ARF4: variants seen among roughly 807,000 people sequenced by gnomAD.
ARF4 encodes the protein ADP-ribosylation factor 4.
In ARF4, 5 loss-of-function variants were observed where a neutral mutation model predicts 24.3. That is an observed-to-expected ratio of 0.21 (90% CI 0.11 to 0.43). The LOEUF (loss-of-function observed/expected upper bound fraction) is 0.43, where lower values mean the gene tolerates loss of function less well. ARF4 is among the 20% of genes least tolerant of loss of function. The probability of loss-of-function intolerance (pLI) is 1.00; values close to 1 mark genes in which losing one functional copy is unlikely to be tolerated. For synonymous variants in ARF4, 62 were observed against 73.5 expected, an observed-to-expected ratio of 0.84 and a Z score of 0.80; for missense variants, 107 against 213.0, an observed-to-expected ratio of 0.50 and a Z score of 3.10.
intron 1 of ARF4, among the ~76,000 whole-genome samples, chr3:57,596,353 A>G (rs775193822): frequency 5.3e-5 from 8 of 152,234 alleles, no homozygotes; most frequent in Non-Finnish European, 8.8e-5. Flanking sequence ...CCGCCTAAAA[A>G]TAAGCTTAAA....
intron 1 of ARF4, among the ~76,000 whole-genome samples, chr3:57,587,643 C>T (rs1017893043): frequency 2.0e-5 from 3 of 151,704 alleles, no homozygotes; most frequent in East Asian, 1.9e-4. Context: ...TTTTTGAAGA[C>T]GACTGCTTGA....
intron 1 of ARF4, among the ~76,000 whole-genome samples, chr3:57,592,283 G>GT (rs1184264343): frequency 6.6e-6 from 1 of 152,116 alleles, no homozygotes; most frequent in Non-Finnish European, 1.5e-5. Context: ...GAGGTCAGGA[G>GT]TTTGAGACCA....
intron 1 of ARF4, among the ~76,000 whole-genome samples, chr3:57,593,701 T>C (rs550243948): frequency 1.3e-5 from 2 of 152,288 alleles, no homozygotes; most frequent in South Asian, 4.1e-4. Flanking sequence ...CTTAACAACA[T>C]TACATCTTAT....
intron 3 of ARF4, among the ~76,000 whole-genome samples, chr3:57,581,301 C>G (rs1341389433): frequency 2.6e-5 from 4 of 152,162 alleles, no homozygotes; most frequent in Non-Finnish European, 5.9e-5. Context: ...CTTTCCCCAG[C>G]TAGCATGAAC....
At chr3:57,581,505 T>C (rs1457030416) in intron 3 of ARF4, among the ~76,000 whole-genome samples, 1 of 152,158 alleles carries the variant, frequency 6.6e-6, no homozygotes, top group East Asian at 1.9e-4. Context: ...TATCTAACTC[T>C]TTCAAAATAT....
At chr3:57,580,480 C>A (rs2069957031) in intron 3 of ARF4, among the ~76,000 whole-genome samples, 1 of 152,160 alleles carries the variant, frequency 6.6e-6, no homozygotes, top group Non-Finnish European at 1.5e-5. Context: ...TAGCTCACTT[C>A]AGCCTCCAAC....
intron 1 of ARF4, among the ~76,000 whole-genome samples, chr3:57,587,212 T>C (rs4481125): frequency 6.6e-6 from 1 of 151,142 alleles, no homozygotes; most frequent in Admixed American, 6.6e-5. Context: ...CCAGATACTC[T>C]GGAGGCTGAG....
At chr3:57,574,941 TG>T (rs1490275843) in intron 5 of ARF4, among the ~76,000 whole-genome samples, 1 of 151,970 alleles carries the variant, frequency 6.6e-6, no homozygotes, top group Non-Finnish European at 1.5e-5. Context: ...CTCCACCTCC[TG>T]GGTTCAAGTG....
At position 57,571,870 on chromosome 3, in the gene ARF4, T is replaced by C. The variant is rs2069846325; in HGVS notation, c.*342A>G. On this transcript the variant is annotated 3_prime_UTR_variant, in exon 6 of 6. Transcript: ENST00000303436. ...AGGAATGATAAAGGTATCAGTAAAG[T>C]AGCAAGGGGATAACTTTAAAACATT... 1 of 198,086 alleles carries C rather than the reference T, an allele frequency of 5.0e-6. No homozygotes were observed. 12.3% of individuals were successfully genotyped at this position (198,086 alleles called of 1,614,324 possible).
rs2069843785 is a variant in ARF4 at position 57,571,608 on chromosome 3, A to ATTCT, written c.*600_*603dup. 6.5e-6 allele frequency: 1 copy of ATTCT among 152,742 alleles called. No homozygotes were observed. The highest frequency in any genetic ancestry group is 1.9e-4 in the East Asian group (1 of 5,202). The allele number at this position is 152,742 out of a possible 1,614,324, so 9.5% of individuals were successfully genotyped here. ...AGTATTAAAAACCATCTAAATATCAATTCTTTGCAACCAGCACAGAACTAA... is the reference window on the plus strand; with the variant it reads ...AGTATTAAAAACCATCTAAATATCAATTCTTTCTTTGCAACCAGCACAGAACTAA... On this transcript the variant is annotated 3_prime_UTR_variant, in exon 6 of 6. Transcript: ENST00000303436.
chr3:57,581,993 A>T (rs2069978485), intron 3 of ARF4, among the ~76,000 whole-genome samples: 1 of 152,186 alleles, frequency 6.6e-6, no homozygotes, highest in South Asian at 2.1e-4. Context: ...CCAACATAAC[A>T]AAGAAAAAAC....
At position 57,575,667 on chromosome 3, in the gene ARF4, C is replaced by A; in HGVS notation, c.337G>T (p.Val113Leu). The A allele has an allele frequency of 6.2e-7, 1 of 1,604,222 alleles. No homozygotes were observed. Among genetic ancestry groups the A allele is most frequent in the Non-Finnish European group, 8.5e-7 (1 of 1,176,956 alleles). ...VADELQKMLL[V>L]DELRDAVLLL... ...AGCACTGCATCTCTCAATTCATCTA[C>A]CAGAAGCTGGAAATAAAAGGTAAGG... Residue 113 changes from valine to leucine, a missense_variant, in exon 5 of 6, where the codon GTA becomes TTA. Val to Leu is a conservative substitution (Grantham distance 32). Transcript: ENST00000303436.
At chr3:57,582,133 G>T (rs1336589072) in intron 3 of ARF4, among the ~76,000 whole-genome samples, 7 of 152,144 alleles carry the variant, frequency 4.6e-5, no homozygotes, top group Non-Finnish European at 8.8e-5. Context: ...TTTCGGATAA[G>T]GAATGTTCAC....
intron 3 of ARF4, among the ~76,000 whole-genome samples, chr3:57,583,470 T>C (rs1427051479): frequency 6.6e-6 from 1 of 152,158 alleles, no homozygotes; most frequent in Non-Finnish European, 1.5e-5. Flanking sequence ...AAAAATATCT[T>C]ACAAATCAAT....
chr3:57,592,515 G>A (rs2070127707), intron 1 of ARF4, among the ~76,000 whole-genome samples: 1 of 152,102 alleles, frequency 6.6e-6, no homozygotes, highest in Non-Finnish European at 1.5e-5. Context: ...TTCATCAGAT[G>A]CTTGACCAAC....
chr3:57,583,938 C>G lies in ARF4; in HGVS notation c.218G>C (p.Arg73Thr), dbSNP rs1413759346. 6.2e-7 allele frequency: 1 copy of G among 1,611,384 alleles called. No individual in the cohort carries two copies. Among genetic ancestry groups the G allele is most frequent in the Non-Finnish European group, 8.5e-7 (1 of 1,178,066 alleles). Residue 73 changes from arginine (R) to threonine (T), a missense_variant, in exon 3 of 6, where the codon AGA (arginine) becomes ACA (threonine). Physicochemically the swap from Arg to Thr is moderately conservative, Grantham distance 71. Transcript: ENST00000303436. The part of the protein sequence containing the change: ...FTVWDVGGQD[R>T]IRPLWKHYFQ... Reference sequence around the variant, plus strand: ...GTAATGCTTCCAGAGAGGCCTAATTCTATCTTGACCACCAACATCCCATAC... The same window carrying G: ...GTAATGCTTCCAGAGAGGCCTAATTGTATCTTGACCACCAACATCCCATAC...
chr3:57,592,383 G>A (rs1188534590), intron 1 of ARF4, among the ~76,000 whole-genome samples: 1 of 152,058 alleles, frequency 6.6e-6, no homozygotes, highest in Non-Finnish European at 1.5e-5. Flanking sequence ...AGCTACTGGA[G>A]AGACTGAGGC....
At chr3:57,584,309 C>A (rs918122110) in intron 2 of ARF4, 75 bp downstream of exon 2, 29 of 1,281,146 alleles carry the variant, frequency 2.3e-5, no homozygotes, top group African/African-American at 1.2e-4. Context: ...AACAAAAAGA[C>A]AATCTCAAAA....
rs564565021 is a variant in ARF4, at chr3:57,589,979, T to A, written c.68-5515A>T. On this transcript the variant is annotated intron_variant, in intron 1 of 5. Coordinates refer to ENST00000303436, the MANE Select transcript of ARF4 (RefSeq NM_001660.4). ...GGTGGCGGGCGCCTGTAATCCCAGC[T>A]ACTCGGGAGGCTGAGGCAGGAGAAT... 4.0e-5 allele frequency among the ~76,000 whole-genome samples: 6 copies of A among 149,530 alleles called. No individual in the cohort carries two copies. In the South Asian group the frequency reaches 1.3e-3, roughly 32 times the overall value.
Sources: gnomAD v4.1 joint callset for allele counts (sites outside exome capture counted in the v4.1 genomes callset) on GRCh38, gnomAD v4.1.1 for gene constraint, MANE v1.5 for transcripts, NCBI Gene and HGNC (gene_info 2026-07-23, HGNC 2026-07-21) for gene names.